The following STPG2 variants were observed in gnomAD, a reference collection of about 807,000 sequenced individuals.
The protein encoded by STPG2 is sperm-tail PG-rich repeat-containing protein 2.
Under a neutral mutation model 54.2 loss-of-function variants are expected in STPG2, and 56 were observed. That is an observed-to-expected ratio of 1.03 (90% CI 0.83 to 1.29). The LOEUF (loss-of-function observed/expected upper bound fraction) is 1.29, where lower values mean the gene tolerates loss of function less well. Among genes scored for constraint, STPG2 ranks in the 50% most tolerant of loss-of-function variants. The pLI, the probability that STPG2 is intolerant of heterozygous loss-of-function variation, is 0.00. For synonymous variants in STPG2, 200 were observed against 181.8 expected (o/e 1.10, Z -0.81); for missense variants, 596 against 544.9 (o/e 1.09, Z -0.93).
intron 5 of STPG2, among the ~76,000 whole-genome samples, chr4:98,031,421 G>A (rs917323340): frequency 1.3e-5 from 2 of 152,140 alleles, no homozygotes; most frequent in African/African-American, 2.4e-5. Flanking sequence ...GCTCACACCT[G>A]TAATCCCAGC....
At chr4:97,850,692 T>C (rs755456555) in intron 8 of STPG2, among the ~76,000 whole-genome samples, 6 of 152,140 alleles carry the variant, frequency 3.9e-5, no homozygotes, top group Non-Finnish European at 7.4e-5. Context: ...AAAAGCCTTT[T>C]CTGAAGTCTT....
chr4:97,617,672 A>C (rs986949721), intron 10 of STPG2, among the ~76,000 whole-genome samples: 4 of 152,178 alleles, frequency 2.6e-5, no homozygotes, highest in African/African-American at 9.7e-5. Flanking sequence ...TAAGATACAC[A>C]GACTATTCCT....
At chr4:97,853,334 C>T (rs1045730093) in intron 8 of STPG2, among the ~76,000 whole-genome samples, 3 of 152,046 alleles carry the variant, frequency 2.0e-5, no homozygotes, top group Non-Finnish European at 2.9e-5. Context: ...ATTTATAGTG[C>T]TTATGTGACA....
intron 10 of STPG2, among the ~76,000 whole-genome samples, chr4:97,675,798 G>T (rs1195842462): frequency 6.6e-6 from 1 of 151,324 alleles, no homozygotes; most frequent in Non-Finnish European, 1.5e-5. Context: ...CTTATAGTTG[G>T]AGTTCTGGAA....
chr4:98,045,372 CT>C (rs1167011894), intron 5 of STPG2, among the ~76,000 whole-genome samples: 1 of 152,084 alleles, frequency 6.6e-6, no homozygotes, highest in Non-Finnish European at 1.5e-5. Context: ...AAATATCCAA[CT>C]TTTTTTGGTG....
At chr4:97,764,488 T>C (rs1725983156) in intron 9 of STPG2, among the ~76,000 whole-genome samples, 1 of 152,144 alleles carries the variant, frequency 6.6e-6, no homozygotes, top group Admixed American at 6.5e-5. Flanking sequence ...TTCTGAAGGT[T>C]AAAGGATACA....
chr4:97,781,880 CA>C (rs1287010975), intron 9 of STPG2, among the ~76,000 whole-genome samples: 1 of 152,154 alleles, frequency 6.6e-6, no homozygotes, highest in Non-Finnish European at 1.5e-5. Flanking sequence ...CAAAATTCAA[CA>C]GCCCTTCATG....
intron 8 of STPG2, among the ~76,000 whole-genome samples, chr4:97,906,796 G>A (rs544524590): frequency 2.0e-5 from 3 of 152,168 alleles, no homozygotes; most frequent in East Asian, 1.9e-4. Context: ...TGCAGAAAAG[G>A]CCTTTGACAA....
intron 8 of STPG2, among the ~76,000 whole-genome samples, chr4:97,922,093 T>A (rs751938722): frequency 5.3e-5 from 8 of 152,186 alleles, no homozygotes; most frequent in Non-Finnish European, 1.2e-4. Flanking sequence ...TTCTGATGAA[T>A]AAGCTGCATG....
chr4:97,943,828 G>A (rs538211011), intron 8 of STPG2, 69 bp downstream of exon 8: 1 of 1,209,138 alleles, frequency 8.3e-7, no homozygotes, highest in Non-Finnish European at 1.1e-6. Flanking sequence ...CTAATATAAT[G>A]TTTATGTTAT....
At chr4:97,744,932 C>A (rs1281684619) in intron 9 of STPG2, among the ~76,000 whole-genome samples, 1 of 151,160 alleles carries the variant, frequency 6.6e-6, no homozygotes, top group African/African-American at 2.4e-5. Flanking sequence ...TCTTTCTCTT[C>A]TTTATCATCT....
At chr4:97,680,088 T>C (rs1304131416) in intron 10 of STPG2, among the ~76,000 whole-genome samples, 1 of 151,914 alleles carries the variant, frequency 6.6e-6, no homozygotes, top group Admixed American at 6.6e-5. Flanking sequence ...TCTTTTGGCT[T>C]AGGATTGACT....
chr4:97,474,824 A>T (rs2082485306), intron 4 of STPG2, among the ~76,000 whole-genome samples: 1 of 152,130 alleles, frequency 6.6e-6, no homozygotes, highest in Non-Finnish European at 1.5e-5. Context: ...CAGGTAGCAA[A>T]TAACTTTTTG....
Position 98,051,827 on chromosome 4 carries a change from G to C in STPG2, c.612+54126C>G, listed in dbSNP as rs191448675. Among the ~76,000 whole-genome samples the C allele has an allele frequency of 7.1e-3, 1,082 of 151,954 alleles. 6 individuals carry two copies. Among genetic ancestry groups the C allele is most frequent in the Non-Finnish European group, 0.012 (849 of 67,960 alleles). On this transcript the variant is annotated intron_variant, in intron 5 of 10. Transcript: ENST00000295268. ...ATATACATAAATAGGAAACACGCTG[G>C]GCGCAGTGGCTCAAGCCTCACTTTG...
intron 10 of STPG2, among the ~76,000 whole-genome samples, chr4:97,583,248 AT>A (rs1293241708): frequency 1.3e-5 from 2 of 151,978 alleles, no homozygotes; most frequent in African/African-American, 4.8e-5. Context: ...AACTACAAAA[AT>A]TTCTAAAGTA....
At chr4:97,517,973 T>C (rs1352923069) in intron 4 of STPG2, among the ~76,000 whole-genome samples, 1 of 152,150 alleles carries the variant, frequency 6.6e-6, no homozygotes, top group Non-Finnish European at 1.5e-5. Context: ...CTACTAAAAA[T>C]AAGGCGAATA....
chr4:97,838,919 A>C (rs1192757181), intron 9 of STPG2, among the ~76,000 whole-genome samples: 1 of 151,516 alleles, frequency 6.6e-6, no homozygotes, highest in African/African-American at 2.4e-5. Flanking sequence ...CCTTTGAAGT[A>C]TGGGCCACTT....
At chr4:97,717,196 C>A (rs1223299738) in intron 9 of STPG2, among the ~76,000 whole-genome samples, 1 of 152,182 alleles carries the variant, frequency 6.6e-6, no homozygotes, top group East Asian at 1.9e-4. Flanking sequence ...AAAAGAGTCC[C>A]AATACTACAC....
intron 7 of STPG2, among the ~76,000 whole-genome samples, chr4:97,954,531 A>C (rs1200886689): frequency 6.6e-6 from 1 of 152,194 alleles, no homozygotes; most frequent in Non-Finnish European, 1.5e-5. Flanking sequence ...AAGCCAAAAA[A>C]CTGAAATACA....
Sources: allele counts gnomAD v4.1 joint callset (sites outside exome capture counted in the v4.1 genomes callset), GRCh38; gene constraint gnomAD v4.1.1; transcripts MANE v1.5; gene names NCBI Gene and HGNC (gene_info 2026-07-23, HGNC 2026-07-21).